PCDHGA8: variants seen among roughly 807,000 people sequenced by gnomAD.
PCDHGA8 encodes the protein protocadherin gamma subfamily A, 8.
PCDHGA8 carries 45 observed loss-of-function variants against 59.2 expected under a neutral mutation model. The observed-to-expected ratio is 0.76, with a 90% CI of 0.60 to 0.98. The LOEUF is 0.98. Among genes scored for constraint, PCDHGA8 ranks in the 50% least tolerant of loss-of-function variants. The pLI is 0.00. For synonymous variants in PCDHGA8, 531 were observed against 519.0 expected (o/e 1.02, Z -0.32); for missense variants, 1,257 against 1,196.2 (o/e 1.05, Z -0.75).
intron 1 of PCDHGA8, chr5:141,471,417 T>A (rs1174855045): frequency 6.6e-6 from 1 of 152,190 alleles, no homozygotes; most frequent in Non-Finnish European, 1.5e-5. Flanking sequence ...GTTATGTTTT[T>A]AGCAAGGAAA....
rs772043134 is a variant in PCDHGA8, at chr5:141,432,746, G to A, written c.2424+37509G>A. 1.2e-6 allele frequency: 2 copies of A among 1,614,098 alleles called. No homozygotes were observed. Among genetic ancestry groups the A allele is most frequent in the East Asian group, 4.5e-5 (2 of 44,860 alleles). On this transcript the variant is annotated intron_variant, in intron 1 of 3. Coordinates refer to ENST00000398604, the MANE Select transcript of PCDHGA8 (RefSeq NM_032088.2). The surrounding 1 kb of genome is among the most constrained non-coding windows in gnomAD (Gnocchi z 6.0). ...CTCCGCCACTGTCACGCTCACCGTGGCCGTGGCCGACAGCATCCCCCAAGT... is the reference window on the plus strand; with the variant it reads ...CTCCGCCACTGTCACGCTCACCGTGACCGTGGCCGACAGCATCCCCCAAGT...
chr5:141,453,317 G>A (rs1218359210), intron 1 of PCDHGA8, among the ~76,000 whole-genome samples: 1 of 151,178 alleles, frequency 6.6e-6, no homozygotes, highest in Non-Finnish European at 1.5e-5. Flanking sequence ...ATTTATTTTA[G>A]AGATGGGGTC....
chr5:141,501,544 G>T (rs1297191346), intron 2 of PCDHGA8, among the ~76,000 whole-genome samples: 3 of 151,962 alleles, frequency 2.0e-5, no homozygotes, highest in African/African-American at 7.3e-5. Flanking sequence ...TTGTGCATAA[G>T]ATCATAGGCC....
rs10040701 is a variant in PCDHGA8 at position 141,508,490 on chromosome 5, A to G, written c.2573-2457A>G. ...TCTTTCTTTTACATTCTGGATTTCC[A>G]TATCTTCTCTCCCTCCTGGTCCAGC... On this transcript the variant is annotated intron_variant, in intron 3 of 3. Transcript: ENST00000398604. Among the ~76,000 whole-genome samples, 377 of 152,202 alleles carry G rather than the reference A, an allele frequency of 2.5e-3. 1 individual carries two copies. The highest frequency in any genetic ancestry group is 8.6e-3 in the African/African-American group (358 of 41,530).
intron 1 of PCDHGA8, chr5:141,430,515 G>A (rs1016446331): frequency 2.1e-5 from 7 of 340,180 alleles, no homozygotes; most frequent in Admixed American, 1.8e-4. Flanking sequence ...TCAAGATTGT[G>A]CAGTAATTGG....
At chr5:141,488,660 G>A (rs1274725688) in intron 1 of PCDHGA8, among the ~76,000 whole-genome samples, 1 of 152,148 alleles carries the variant, frequency 6.6e-6, no homozygotes, top group East Asian at 1.9e-4. Flanking sequence ...GGGAGGGTGG[G>A]GGAATACATG....
chr5:141,423,332 C>G, intron 1 of PCDHGA8: 2 of 1,614,198 alleles, frequency 1.2e-6, no homozygotes, highest in Non-Finnish European at 1.7e-6. Flanking sequence ...GCCGCAGTCT[C>G]CTGCATCTTC....
chr5:141,491,529 G>C lies in PCDHGA8; in HGVS notation c.2425-3278G>C. 1 of 1,614,040 alleles carries C rather than the reference G, an allele frequency of 6.2e-7. No individual in the cohort carries two copies. The highest frequency in any genetic ancestry group is 1.1e-5 in the South Asian group (1 of 91,080). On this transcript the variant is annotated intron_variant, in intron 1 of 3. Coordinates refer to ENST00000398604, the MANE Select transcript of PCDHGA8 (RefSeq NM_032088.2). The surrounding 1 kb of genome is among the most constrained non-coding windows in gnomAD (Gnocchi z 6.9). ...GCACGCTCAAGTACATGGAGGTGACGCTGCGGCCCACAGACTCGCAGAGCC... is the reference window on the plus strand; with the variant it reads ...GCACGCTCAAGTACATGGAGGTGACCCTGCGGCCCACAGACTCGCAGAGCC...
In PCDHGA8 at chr5:141,477,380, G is replaced by C; in HGVS notation, c.2425-17427G>C. The C allele has an allele frequency of 6.2e-7, 1 of 1,614,116 alleles. No homozygotes were observed. The highest frequency in any genetic ancestry group is 8.5e-7 in the Non-Finnish European group (1 of 1,180,028). On this transcript the variant is annotated intron_variant, in intron 1 of 3. Transcript: ENST00000398604. The surrounding 1 kb of genome is among the most constrained non-coding windows in gnomAD (Gnocchi z 4.9). ...AGACCTGGATCGGGAGACTGTGCCA[G>C]AATACAACCTCAGCATCACCGCCCG...
intron 1 of PCDHGA8, chr5:141,419,102 A>G (rs201327680): frequency 4.5e-5 from 73 of 1,613,748 alleles, no homozygotes; most frequent in Non-Finnish European, 5.9e-5. Flanking sequence ...TCGGGAGCAG[A>G]CCCCAGAGTA....
Position 141,487,463 on chromosome 5 carries a change from G to T in PCDHGA8, c.2425-7344G>T, listed in dbSNP as rs754798527. 1 of 1,614,136 alleles carries T rather than the reference G, an allele frequency of 6.2e-7. No homozygotes were observed. The highest frequency in any genetic ancestry group is 1.7e-5 in the Admixed American group (1 of 60,016). ...GTCAGATGACCCTATCAAGTTTGTT[G>T]ATGTGGGAGGCCACTCTCATGGCTG... On this transcript the variant is annotated intron_variant, in intron 1 of 3. Coordinates refer to ENST00000398604, the MANE Select transcript of PCDHGA8 (RefSeq NM_032088.2). The surrounding 1 kb of genome is among the most constrained non-coding windows in gnomAD (Gnocchi z 5.0).
At chr5:141,410,888 C>G in intron 1 of PCDHGA8, 1 of 290,774 alleles carries the variant, frequency 3.4e-6, no homozygotes, top group Non-Finnish European at 5.6e-6. Flanking sequence ...GAGTCTCGCA[C>G]TGTTGCCTAG....
chr5:141,440,451 A>G (rs2098179077), intron 1 of PCDHGA8: 1 of 152,230 alleles, frequency 6.6e-6, no homozygotes, highest in Non-Finnish European at 1.5e-5. Flanking sequence ...CATCTCAAAA[A>G]AAATGAACAA....
At chr5:141,450,067 T>C (rs1007808503) in intron 1 of PCDHGA8, among the ~76,000 whole-genome samples, 4 of 147,604 alleles carry the variant, frequency 2.7e-5, no homozygotes, top group African/African-American at 1.0e-4. Context: ...AATGCAGTGG[T>C]ATGATCTTGG....
At chr5:141,475,090 A>G (rs991061660) in intron 1 of PCDHGA8, among the ~76,000 whole-genome samples, 1 of 152,264 alleles carries the variant, frequency 6.6e-6, no homozygotes, top group African/African-American at 2.4e-5. Flanking sequence ...CAATAATTTT[A>G]TAAAGATCCT....
At chr5:141,414,048 G>A in intron 1 of PCDHGA8, 1 of 1,610,508 alleles carries the variant, frequency 6.2e-7, no homozygotes, top group Non-Finnish European at 8.5e-7. Flanking sequence ...TACCTGACAC[G>A]CAATTGTTGA....
chr5:141,485,106 TGGCTGTTTGGGGCGGGTC>T lies in PCDHGA8; in HGVS notation c.2425-9696_2425-9679del. 1 of 1,206,448 alleles carries T rather than the reference TGGCTGTTTGGGGCGGGTC, an allele frequency of 8.3e-7. No homozygotes were observed. The highest frequency in any genetic ancestry group is 1.2e-6 in the Non-Finnish European group (1 of 828,284). 74.7% of individuals were successfully genotyped at this position (1,206,448 alleles called of 1,614,324 possible). Reference sequence around the variant, plus strand: ...GGGAGATAGGTGTCTCCAGCTGCTGTGGCTGTTTGGGGCGGGTCGGCTTCATCCGCGTCTCAGGAGCAA... The same window carrying T: ...GGGAGATAGGTGTCTCCAGCTGCTGTGGCTTCATCCGCGTCTCAGGAGCAA... On this transcript the variant is annotated intron_variant, in intron 1 of 3. Coordinates refer to ENST00000398604, the MANE Select transcript of PCDHGA8 (RefSeq NM_032088.2). This position sits in a 1 kb window ranked among gnomAD's most constrained non-coding sequence, Gnocchi z 5.7.
Position 141,477,932 on chromosome 5 carries a change from C to T in PCDHGA8, c.2425-16875C>T. 1 of 1,614,158 alleles carries T rather than the reference C, an allele frequency of 6.2e-7. No homozygotes were observed. The highest frequency in any genetic ancestry group is 8.5e-7 in the Non-Finnish European group (1 of 1,180,034). ...CGCGGATGCAGGGCACAATGCCTGGCTCTCCTACAGTCTCTTGGGATCCCC... is the reference window on the plus strand; with the variant it reads ...CGCGGATGCAGGGCACAATGCCTGGTTCTCCTACAGTCTCTTGGGATCCCC... On this transcript the variant is annotated intron_variant, in intron 1 of 3. Coordinates refer to ENST00000398604, the MANE Select transcript of PCDHGA8 (RefSeq NM_032088.2). This position sits in a 1 kb window ranked among gnomAD's most constrained non-coding sequence, Gnocchi z 4.9.
Position 141,512,270 on chromosome 5 carries a change from G to C in PCDHGA8, c.*1097G>C, listed in dbSNP as rs1188941232. On this transcript the variant is annotated 3_prime_UTR_variant, in exon 4 of 4. Transcript: ENST00000398604. ...TCTGTGGGTGCTGGGTACTCCAGAG[G>C]TGCCACTGGTGGAAGGGTCAGCGGA... 6.5e-6 allele frequency: 1 copy of C among 152,714 alleles called. No homozygotes were observed. The highest frequency in any genetic ancestry group is 2.4e-5 in the African/African-American group (1 of 41,452). The allele number at this position is 152,714 out of a possible 1,614,324, so 9.5% of individuals were successfully genotyped here. A position where few individuals can be genotyped will look rare whatever the true frequency, so the allele number is the denominator to read the frequency against.
Sources: gnomAD v4.1 joint callset for allele counts (sites outside exome capture counted in the v4.1 genomes callset) on GRCh38, gnomAD v4.1.1 for gene constraint, Gnocchi (gnomAD v3.1) non-coding constraint, MANE v1.5 for transcripts, NCBI Gene and HGNC (gene_info 2026-07-23, HGNC 2026-07-21) for gene names.